PPP1R21: variants seen among roughly 807,000 people sequenced by gnomAD.
PPP1R21 encodes the protein KLRAQ motif containing 1.
A neutral mutation model predicts 112.8 loss-of-function variants in PPP1R21; 85 were observed. That is an observed-to-expected ratio of 0.75 (90% CI 0.63 to 0.90). PPP1R21 has a LOEUF of 0.90. Among genes scored for constraint, PPP1R21 ranks in the 40% least tolerant of loss-of-function variants. The pLI is 0.00. For synonymous variants in PPP1R21, 381 were observed against 322.3 expected (o/e 1.18, Z -1.95); for missense variants, 1,199 against 901.5 (o/e 1.33, Z -4.23).
rs184577855 is a variant in PPP1R21, at chr2:48,465,397, T to G, written c.748-96T>G. 7.8e-5 allele frequency: 87 copies of G among 1,110,790 alleles called. 2 individuals are homozygous for G. The Admixed American group carries it at 2.1e-3, about 27-fold the overall frequency. The allele number at this position is 1,110,790 out of a possible 1,614,324, so 68.8% of individuals were successfully genotyped here. On this transcript the variant is annotated intron_variant, in intron 8 of 21. Transcript: ENST00000294952. ...AATTTAAAGTAAGGAATAATCACAC[T>G]AGGATTCAAATGTTTTCTCCAGATC...
intron 13 of PPP1R21, among the ~76,000 whole-genome samples, chr2:48,483,748 CTT>C (rs1361108982): frequency 6.6e-6 from 1 of 152,092 alleles, no homozygotes; most frequent in African/African-American, 2.4e-5. Flanking sequence ...CCAAGAGTGT[CTT>C]TATTTTAAAT....
chr2:48,464,909 CTT>C (rs1433401805), intron 7 of PPP1R21, 26 bp from the exon 8 acceptor site: 4 of 1,542,120 alleles, frequency 2.6e-6, no homozygotes, highest in Non-Finnish European at 2.6e-6. Flanking sequence ...AAATGAGAGA[CTT>C]AATGTACATT....
chr2:48,493,444 TG>T (rs1669662753), intron 15 of PPP1R21, among the ~76,000 whole-genome samples: 1 of 152,232 alleles, frequency 6.6e-6, no homozygotes, highest in Non-Finnish European at 1.5e-5. Context: ...TTTTTATTTT[TG>T]TATCATCAAA....
chr2:48,486,505 G>C, intron 13 of PPP1R21, 126 bp from the exon 14 acceptor site: 1 of 700,414 alleles, frequency 1.4e-6, no homozygotes, highest in African/African-American at 1.8e-5. Flanking sequence ...CCTGACACTT[G>C]AGACCATTCT....
intron 17 of PPP1R21, among the ~76,000 whole-genome samples, chr2:48,504,685 T>C (rs965158011): frequency 3.3e-5 from 5 of 152,198 alleles, no homozygotes; most frequent in Non-Finnish European, 4.4e-5. Context: ...GTGTAATATC[T>C]TATTGACAGA....
Position 48,440,835 on chromosome 2 carries a change from C to CGGCTGCGGT in PPP1R21, c.-119_-118insGGCTGCGGT. On this transcript the variant is annotated 5_prime_UTR_variant, in exon 1 of 22. Transcript: ENST00000294952. ...GGCGCGGCGGCGGCGGCGGCGGCGG[C>CGGCTGCGGT]TGCGGTGGCCAAGCAGGCAGATACT... 1 of 717,614 alleles carries CGGCTGCGGT rather than the reference C, an allele frequency of 1.4e-6. No homozygotes were observed. The highest frequency in any genetic ancestry group is 2.3e-6 in the Non-Finnish European group (1 of 427,312). The allele number at this position is 717,614 out of a possible 1,614,324, so 44.5% of individuals were successfully genotyped here.
intron 11 of PPP1R21, among the ~76,000 whole-genome samples, chr2:48,474,376 C>T (rs922277229): frequency 3.3e-5 from 5 of 152,018 alleles, no homozygotes; most frequent in South Asian, 2.1e-4. Flanking sequence ...TGAGAGACTC[C>T]GTCTCAAACA....
chr2:48,451,789 C>T (rs187543387), intron 2 of PPP1R21, among the ~76,000 whole-genome samples: 18 of 152,084 alleles, frequency 1.2e-4, no homozygotes, highest in African/African-American at 4.4e-4. Context: ...TCCCTCTGCT[C>T]TCTTTAGACA....
At chr2:48,477,336 G>A (rs1668804378) in intron 12 of PPP1R21, among the ~76,000 whole-genome samples, 1 of 151,912 alleles carries the variant, frequency 6.6e-6, no homozygotes, top group African/African-American at 2.4e-5. Context: ...GGCCAGGCTG[G>A]TCTCGAACTC....
At chr2:48,441,409 C>T (rs1194223212) in intron 1 of PPP1R21, 2 of 295,684 alleles carry the variant, frequency 6.8e-6, no homozygotes, top group Admixed American at 1.2e-4. Flanking sequence ...AACCCTTCTC[C>T]CCTCCCACAG....
intron 14 of PPP1R21, among the ~76,000 whole-genome samples, chr2:48,487,636 C>T (rs144758880): frequency 3.8e-4 from 58 of 151,750 alleles, no homozygotes; most frequent in African/African-American, 1.3e-3. Context: ...TGATGTGCGT[C>T]TGTGGTCCCA....
chr2:48,497,774 C>T lies in PPP1R21; in HGVS notation c.1693-719C>T, dbSNP rs796842469. On this transcript the variant is annotated intron_variant, in intron 16 of 21. Transcript: ENST00000294952. Reference sequence around the variant, plus strand: ...TCACGCCATTCTCCTGCCTCAGCCTCCCGAGTAGCTGGGACTACAGGCGCC... The same window carrying T: ...TCACGCCATTCTCCTGCCTCAGCCTTCCGAGTAGCTGGGACTACAGGCGCC... 3.4e-4 allele frequency among the ~76,000 whole-genome samples: 51 copies of T among 151,950 alleles called. 1 individual carries two copies. Among genetic ancestry groups the T allele is most frequent in the African/African-American group, 1.2e-3 (51 of 41,448 alleles).
At chr2:48,500,713 C>T (rs1670072069) in intron 17 of PPP1R21, among the ~76,000 whole-genome samples, 2 of 152,014 alleles carry the variant, frequency 1.3e-5, no homozygotes, top group Admixed American at 1.3e-4. Context: ...GAGTTCGAGA[C>T]CTGGGCAACA....
chr2:48,469,441 TATAGAGAGAGC>T (rs1178155690), intron 9 of PPP1R21, among the ~76,000 whole-genome samples: 5 of 92,516 alleles, frequency 5.4e-5, no homozygotes, highest in South Asian at 3.5e-4. Flanking sequence ...CATATATATA[TATAGAGAGAGC>T]ATATATATAT....
At chr2:48,476,269 G>T (rs1323263620) in intron 12 of PPP1R21, among the ~76,000 whole-genome samples, 1 of 152,180 alleles carries the variant, frequency 6.6e-6, no homozygotes, top group African/African-American at 2.4e-5. Context: ...CATAAAAGTT[G>T]TAGCATGTAT....
chr2:48,495,314 G>A (rs186908235), intron 15 of PPP1R21, among the ~76,000 whole-genome samples: 7 of 151,698 alleles, frequency 4.6e-5, no homozygotes, highest in African/African-American at 4.8e-5. Context: ...AGTGATTCTC[G>A]TGCCTCAGCT....
intron 20 of PPP1R21, among the ~76,000 whole-genome samples, chr2:48,510,363 C>G (rs1206543180): frequency 3.9e-5 from 6 of 152,056 alleles, no homozygotes; most frequent in Non-Finnish European, 5.9e-5. Context: ...ACTTATTTAC[C>G]CAGAATTTTT....
In PPP1R21 at chr2:48,498,565, G is replaced by A; in HGVS notation, c.1765G>A (p.Ala589Thr). The A allele has an allele frequency of 2.5e-6, 4 of 1,614,218 alleles. No homozygotes were observed. The highest frequency in any genetic ancestry group is 3.4e-6 in the Non-Finnish European group (4 of 1,180,028). ...ACATTGGATGTTGGAAGCACAATTA[G>A]CCAAAATCAAGCTAGAGAAAGAAAA... Reference protein sequence around the residue: ...KEHWMLEAQLAKIKLEKENQR... With the variant: ...KEHWMLEAQLTKIKLEKENQR... The change falls in exon 17 of 22, where the codon GCC (alanine) becomes ACC (threonine). Residue 589 changes from alanine (A) to threonine (T), a missense_variant. Coordinates refer to ENST00000294952, the MANE Select transcript of PPP1R21 (RefSeq NM_001135629.3).
chr2:48,483,195 C>CTTTTTTTTT lies in PPP1R21; in HGVS notation c.1318+3195_1318+3203dup, dbSNP rs755036470. On this transcript the variant is annotated intron_variant, in intron 13 of 21. Transcript: ENST00000294952. Reference sequence around the variant, plus strand: ...TATAAAATAAAGATACTTTTTTTTCCTTTTTTTTTTTTTTTTTTTTTTTTG... The same window carrying CTTTTTTTTT: ...TATAAAATAAAGATACTTTTTTTTCCTTTTTTTTTTTTTTTTTTTTTTTTTTTTTTTTTG... Among the ~76,000 whole-genome samples the CTTTTTTTTT allele has an allele frequency of 2.1e-4, 17 of 80,892 alleles. 2 individuals are homozygous for CTTTTTTTTT. Among genetic ancestry groups the CTTTTTTTTT allele is most frequent in the African/African-American group, 2.6e-4 (5 of 19,390 alleles). The allele number at this position is 80,892 out of a possible 152,430, so 53.1% of individuals were successfully genotyped here.
Sources: gnomAD v4.1 joint callset for allele counts (sites outside exome capture counted in the v4.1 genomes callset) on GRCh38, gnomAD v4.1.1 for gene constraint, MANE v1.5 for transcripts, NCBI Gene and HGNC (gene_info 2026-07-23, HGNC 2026-07-21) for gene names.